SORCS1: variants seen among roughly 807,000 people sequenced by gnomAD.
SORCS1 encodes VPS10 domain-containing receptor SorCS1.
A neutral mutation model predicts 146.1 loss-of-function variants in SORCS1; 60 were observed. The ratio of observed to expected loss-of-function variants is 0.41; its 90% confidence interval spans 0.33 to 0.51. SORCS1 has a LOEUF of 0.51. Among genes scored for constraint, SORCS1 ranks in the 20% least tolerant of loss-of-function variants. The pLI, the probability that SORCS1 is intolerant of heterozygous loss-of-function variation, is 0.21. For missense variants in SORCS1, 1,352 were observed against 1,487.6 expected, an observed-to-expected ratio of 0.91 and a Z score of 1.50; for synonymous variants, 637 against 584.0, an observed-to-expected ratio of 1.09 and a Z score of -1.31.
Position 106,993,408 on chromosome 10 carries a change from C to T in SORCS1, c.559-36828G>A, listed in dbSNP as rs962011676. On this transcript the variant is annotated intron_variant, in intron 1 of 25. Coordinates refer to ENST00000263054, the MANE Select transcript of SORCS1 (RefSeq NM_052918.5). Reference sequence around the variant, plus strand: ...TCAAAGCATCCCTGCTACTTTTTATCAGTCCCATTTTACAGGTGAGAAAAT... The same window carrying T: ...TCAAAGCATCCCTGCTACTTTTTATTAGTCCCATTTTACAGGTGAGAAAAT... 3.9e-5 allele frequency among the ~76,000 whole-genome samples: 6 copies of T among 152,182 alleles called. No individual in the cohort carries two copies. The East Asian group carries it at 1.2e-3, about 29-fold the overall frequency.
chr10:106,804,338 G>GAAAATAAAGTAAAATAAAAT (rs1554847550), intron 3 of SORCS1, among the ~76,000 whole-genome samples: 10 of 138,300 alleles, frequency 7.2e-5, no homozygotes, highest in African/African-American at 2.7e-4. Flanking sequence ...TTTCCGAAGA[G>GAAAATAAAGTAAAATAAAAT]AAAATAAAAT....
chr10:107,034,680 C>CAAAAA (rs553032484), intron 1 of SORCS1, among the ~76,000 whole-genome samples: 265 of 13,792 alleles, frequency 0.019, 48 homozygotes, highest in Non-Finnish European at 0.024. Context: ...AACTCCATCT[C>CAAAAA]AAAAAAAAAA....
At chr10:106,680,673 G>C (rs1852370096) in intron 10 of SORCS1, among the ~76,000 whole-genome samples, 1 of 152,160 alleles carries the variant, frequency 6.6e-6, no homozygotes, top group Non-Finnish European at 1.5e-5. Context: ...GTTTAAAATA[G>C]TTCTTGTACT....
intron 2 of SORCS1, among the ~76,000 whole-genome samples, chr10:106,942,373 C>T (rs1379032267): frequency 6.6e-6 from 1 of 152,184 alleles, no homozygotes; most frequent in Non-Finnish European, 1.5e-5. Context: ...TCCCCAACCT[C>T]TTGTCCTTCC....
chr10:106,732,895 C>T (rs545358565), intron 5 of SORCS1, among the ~76,000 whole-genome samples: 11 of 151,888 alleles, frequency 7.2e-5, no homozygotes, highest in South Asian at 2.1e-4. Context: ...CTAAGGCAGG[C>T]GGATAATGAG....
intron 1 of SORCS1, among the ~76,000 whole-genome samples, chr10:107,082,482 T>G (rs926393751): frequency 7.2e-5 from 11 of 152,132 alleles, no homozygotes; most frequent in Non-Finnish European, 1.2e-4. Context: ...TTTCTTTTCT[T>G]TTTTGTTTTT....
chr10:106,717,458 A>G lies in SORCS1; in HGVS notation c.1025-8117T>C, dbSNP rs559254590. Among the ~76,000 whole-genome samples the G allele has an allele frequency of 1.4e-4, 21 of 152,360 alleles. No homozygotes were observed. In the East Asian group the frequency reaches 3.7e-3, roughly 27 times the overall value. ...GACAAGATACTTCTGTGAAAATTAT[A>G]GACTTACATCAAATGTTCTAGCTTG... On this transcript the variant is annotated intron_variant, in intron 6 of 25. Coordinates refer to ENST00000263054, the MANE Select transcript of SORCS1 (RefSeq NM_052918.5).
At chr10:106,934,206 A>G (rs1953572411) in intron 2 of SORCS1, among the ~76,000 whole-genome samples, 1 of 151,986 alleles carries the variant, frequency 6.6e-6, no homozygotes, top group African/African-American at 2.4e-5. Flanking sequence ...ATGGGAATGT[A>G]AATTAGTACA....
chr10:106,578,565 A>T, intron 25 of SORCS1: 1 of 637,686 alleles, frequency 1.6e-6, no homozygotes, highest in Non-Finnish European at 1.9e-6. Flanking sequence ...CTACCAATAG[A>T]TGTAAAAAAA....
chr10:106,749,900 A>C (rs1231846377), intron 5 of SORCS1, among the ~76,000 whole-genome samples: 1 of 152,246 alleles, frequency 6.6e-6, no homozygotes, highest in African/African-American at 2.4e-5. Context: ...GAAGTTAATT[A>C]AAGAGCTCAA....
chr10:106,948,749 G>A (rs1465154684), intron 2 of SORCS1, among the ~76,000 whole-genome samples: 1 of 152,020 alleles, frequency 6.6e-6, no homozygotes, highest in East Asian at 1.9e-4. Context: ...CACAAGGTCA[G>A]GAGATTGAGA....
At chr10:106,639,898 A>C (rs368341995) in intron 18 of SORCS1, among the ~76,000 whole-genome samples, 2 of 151,930 alleles carry the variant, frequency 1.3e-5, no homozygotes, top group African/African-American at 4.8e-5. Context: ...CGTGCCTGTT[A>C]CCCCAGCTAC....
At chr10:106,725,559 AAAAT>A (rs71025549) in intron 6 of SORCS1, among the ~76,000 whole-genome samples, 21 of 144,622 alleles carry the variant, frequency 1.5e-4, no homozygotes, top group East Asian at 6.1e-4. Context: ...CACATACACA[AAAAT>A]AAATAAATAA....
At chr10:106,772,645 T>C (rs958290674) in intron 4 of SORCS1, among the ~76,000 whole-genome samples, 1 of 152,170 alleles carries the variant, frequency 6.6e-6, no homozygotes, top group Non-Finnish European at 1.5e-5. Flanking sequence ...TCTGAGGACA[T>C]TTGGCCATAC....
chr10:106,793,183 T>C (rs548480833), intron 3 of SORCS1, among the ~76,000 whole-genome samples: 1 of 152,342 alleles, frequency 6.6e-6, no homozygotes, highest in Admixed American at 6.5e-5. Context: ...GCACTTTTTT[T>C]TCCTATTGCT....
chr10:106,885,657 A>G (rs1332250011), intron 2 of SORCS1, among the ~76,000 whole-genome samples: 2 of 152,136 alleles, frequency 1.3e-5, no homozygotes, highest in Non-Finnish European at 2.9e-5. Context: ...ATAGTGTAAG[A>G]AAAGGTAATG....
chr10:106,978,631 C>G (rs1170442145), intron 1 of SORCS1, among the ~76,000 whole-genome samples: 1 of 152,058 alleles, frequency 6.6e-6, no homozygotes, highest in Non-Finnish European at 1.5e-5. Flanking sequence ...AACCCCGTCT[C>G]TGCTAAAAAT....
intron 5 of SORCS1, among the ~76,000 whole-genome samples, chr10:106,736,803 G>A (rs534722276): frequency 9.5e-4 from 144 of 152,168 alleles, no homozygotes; most frequent in African/African-American, 3.3e-3. Context: ...TCTGGCCCCC[G>A]ACACTGTCAG....
the SORCS1 span, among the ~76,000 whole-genome samples, chr10:107,177,488 T>G: frequency 4.6e-5 from 7 of 152,212 alleles, no homozygotes; most frequent in Admixed American, 3.3e-4. Flanking sequence ...ATATATATTT[T>G]TAATTGACAA....
Sources: gnomAD v4.1 joint callset for allele counts (sites outside exome capture counted in the v4.1 genomes callset) on GRCh38, gnomAD v4.1.1 for gene constraint, MANE v1.5 for transcripts, NCBI Gene and HGNC (gene_info 2026-07-23, HGNC 2026-07-21) for gene names.